ZDHHC7: variants seen among roughly 807,000 people sequenced by gnomAD.
The protein encoded by ZDHHC7 is palmitoyltransferase ZDHHC7.
In ZDHHC7, 12 loss-of-function variants were observed where a neutral mutation model predicts 34.1. The ratio of observed to expected loss-of-function variants is 0.35; its 90% confidence interval spans 0.23 to 0.57. The LOEUF is 0.57. Among genes scored for constraint, ZDHHC7 ranks in the 20% least tolerant of loss-of-function variants. The pLI is 0.84. For synonymous variants in ZDHHC7, 185 were observed against 155.4 expected (o/e 1.19, Z -1.42); for missense variants, 388 against 402.7 (o/e 0.96, Z 0.31).
chr16:84,991,516 G>A (rs2072509607), intron 2 of ZDHHC7, among the ~76,000 whole-genome samples: 1 of 152,120 alleles, frequency 6.6e-6, no homozygotes, highest in African/African-American at 2.4e-5. Flanking sequence ...TCAAACTCCT[G>A]ACCTCAGGTG....
chr16:85,009,990 G>A (rs897324560), intron 1 of ZDHHC7, among the ~76,000 whole-genome samples: 3 of 151,830 alleles, frequency 2.0e-5, no homozygotes, highest in Non-Finnish European at 4.4e-5. Context: ...TCACAGGCAT[G>A]AGCCACTGTG....
chr16:84,990,797 C>A (rs1047224115), intron 2 of ZDHHC7, among the ~76,000 whole-genome samples, 162 bp from the exon 3 acceptor site: 1 of 152,198 alleles, frequency 6.6e-6, no homozygotes, highest in African/African-American at 2.4e-5. Flanking sequence ...ATTTTTAAAT[C>A]TCTGACTTGA....
At chr16:84,982,365 A>G (rs973417590) in intron 3 of ZDHHC7, among the ~76,000 whole-genome samples, 2 of 151,852 alleles carry the variant, frequency 1.3e-5, no homozygotes, top group Admixed American at 6.6e-5. Context: ...AAAAAATCAT[A>G]TATTTTCTAT....
At chr16:85,009,964 T>TC (rs1318455021) in intron 1 of ZDHHC7, among the ~76,000 whole-genome samples, 2 of 151,906 alleles carry the variant, frequency 1.3e-5, no homozygotes, top group Non-Finnish European at 2.9e-5. Flanking sequence ...CGCCTCGGCC[T>TC]CCCAAAGTGC....
chr16:85,022,315 G>C, the ZDHHC7 span, among the ~76,000 whole-genome samples: 1 of 152,046 alleles, frequency 6.6e-6, no homozygotes, highest in African/African-American at 2.4e-5. Context: ...GGGGTCAGGA[G>C]TTCGAGACCA....
At chr16:85,021,726 A>C in the ZDHHC7 span, among the ~76,000 whole-genome samples, 4 of 151,530 alleles carry the variant, frequency 2.6e-5, no homozygotes, top group African/African-American at 9.7e-5. Flanking sequence ...AGAAAGAAAG[A>C]AAGAAAAAGA....
chr16:84,988,898 A>G lies in ZDHHC7; in HGVS notation c.315+1406T>C, dbSNP rs115333363. ...CCTACAAGGCAATATTCCAGTAAAAATCGCTGAGCTGGACCTGGCCCTGTA... is the reference window on the plus strand; with the variant it reads ...CCTACAAGGCAATATTCCAGTAAAAGTCGCTGAGCTGGACCTGGCCCTGTA... On this transcript the variant is annotated intron_variant, in intron 3 of 7. Coordinates refer to ENST00000313732, the MANE Select transcript of ZDHHC7 (RefSeq NM_017740.3). 243 of 1,549,954 alleles carry G rather than the reference A, an allele frequency of 1.6e-4. No individual in the cohort carries two copies. In the African/African-American group the frequency reaches 3.0e-3, roughly 19 times the overall value.
chr16:85,010,832 A>C (rs2143769843), intron 1 of ZDHHC7, among the ~76,000 whole-genome samples: 1 of 152,370 alleles, frequency 6.6e-6, no homozygotes, highest in South Asian at 2.1e-4. Context: ...AACTAGGAAG[A>C]TGGGCAGAGA....
upstream of ZDHHC7, among the ~76,000 whole-genome samples, chr16:85,013,288 G>T (rs1031772293): frequency 6.6e-6 from 1 of 152,020 alleles, no homozygotes; most frequent in African/African-American, 2.4e-5. Flanking sequence ...TGTCTCCCAG[G>T]CTGGAGTGCA....
chr16:84,983,448 C>T (rs943661885), intron 3 of ZDHHC7, among the ~76,000 whole-genome samples: 8 of 152,056 alleles, frequency 5.3e-5, no homozygotes, highest in Non-Finnish European at 8.8e-5. Flanking sequence ...GACTGCTGCC[C>T]GCTGGATTCA....
chr16:85,018,481 C>T, the ZDHHC7 span, among the ~76,000 whole-genome samples: 2 of 150,532 alleles, frequency 1.3e-5, no homozygotes, highest in African/African-American at 4.9e-5. Context: ...GAGTTTTACT[C>T]TTGTTGCCCA....
At chr16:85,023,875 C>A in the ZDHHC7 span, among the ~76,000 whole-genome samples, 2 of 152,052 alleles carry the variant, frequency 1.3e-5, no homozygotes, top group Non-Finnish European at 2.9e-5. Context: ...CTCGGCCTCC[C>A]AAAGTGCTGG....
At position 84,977,204 on chromosome 16, in the gene ZDHHC7, G is replaced by T; in HGVS notation, c.641C>A (p.Pro214Gln). ...GAAGATCAACAGGATTACAGTTATC[G>T]GAGGTGAAAAATCACTGCATTCTGC... ...QWTECSDFSP[P>Q]ITVILLIFLC... The change falls in exon 7 of 8, where the codon CCG becomes CAG. Residue 214 changes from proline to glutamine, a missense_variant. Physicochemically the swap from Pro to Gln is moderately conservative, Grantham distance 76 (BLOSUM62 -1). Transcript: ENST00000313732. 2 of 1,614,176 alleles carry T rather than the reference G, an allele frequency of 1.2e-6. No individual in the cohort carries two copies. The highest frequency in any genetic ancestry group is 1.7e-6 in the Non-Finnish European group (2 of 1,180,040).
the ZDHHC7 span, among the ~76,000 whole-genome samples, chr16:85,019,642 C>T: frequency 1.3e-5 from 2 of 152,088 alleles, no homozygotes; most frequent in East Asian, 3.9e-4. Context: ...GCTCTGTGCC[C>T]AGGAGGCAGA....
intron 1 of ZDHHC7, among the ~76,000 whole-genome samples, chr16:85,009,965 C>G (rs1004523338): frequency 6.6e-6 from 1 of 152,050 alleles, no homozygotes; most frequent in African/African-American, 2.4e-5. Flanking sequence ...GCCTCGGCCT[C>G]CCAAAGTGCT....
chr16:84,985,952 C>CA (rs58315276), intron 3 of ZDHHC7, among the ~76,000 whole-genome samples: 7,903 of 53,512 alleles, frequency 0.15, 1,021 homozygotes, highest in Non-Finnish European at 0.16. Flanking sequence ...GAGACTGTCT[C>CA]AAAAAAAAAA....
chr16:85,021,348 A>G, the ZDHHC7 span, among the ~76,000 whole-genome samples: 40,835 of 143,852 alleles, frequency 0.28, 6,430 homozygotes, highest in African/African-American at 0.45. Context: ...GGAGGCGGAG[A>G]TTGCAGTGAG....
At chr16:85,012,087 A>G (rs11867115), upstream of ZDHHC7, among the ~76,000 whole-genome samples, 26,913 of 152,162 alleles carry the variant, frequency 0.18, 2,494 homozygotes, top group African/African-American at 0.22. Flanking sequence ...GAAAGTAGGA[A>G]CATGTATTTT....
intron 1 of ZDHHC7, among the ~76,000 whole-genome samples, chr16:85,010,468 G>A (rs2072775978): frequency 6.6e-6 from 1 of 152,108 alleles, no homozygotes; most frequent in African/African-American, 2.4e-5. Context: ...AAACCCCTTG[G>A]GATAGTAACA....
Sources: allele counts gnomAD v4.1 joint callset (sites outside exome capture counted in the v4.1 genomes callset), GRCh38; gene constraint gnomAD v4.1.1; transcripts MANE v1.5; gene names NCBI Gene and HGNC (gene_info 2026-07-23, HGNC 2026-07-21).